The following CPHXL2 variants were observed in gnomAD, a reference collection of about 807,000 sequenced individuals.
The protein encoded by CPHXL2 is cytoplasmic polyadenylated homeobox like 2, also known as cytoplasmic polyadenylated homeobox-like protein 2.
At chr16:75,669,186 T>G in the CPHXL2 span, among the ~76,000 whole-genome samples, 1 of 151,910 alleles carries the variant, frequency 6.6e-6, no homozygotes, top group East Asian at 1.9e-4. Flanking sequence ...TGGTGGGAGC[T>G]TGTAGTCCTT....
At chr16:75,676,358 C>T in the CPHXL2 span, among the ~76,000 whole-genome samples, 1 of 152,170 alleles carries the variant, frequency 6.6e-6, no homozygotes, top group African/African-American at 2.4e-5. Flanking sequence ...AGGCCTCACT[C>T]TGTCACCCAG....
chr16:75,668,185 T>C, the CPHXL2 span, among the ~76,000 whole-genome samples: 1 of 151,880 alleles, frequency 6.6e-6, no homozygotes, highest in East Asian at 1.9e-4. Flanking sequence ...TGAAATGCTA[T>C]ATACTGCTTA....
At chr16:75,663,885 CAAAAAAAA>C in the CPHXL2 span, among the ~76,000 whole-genome samples, 2 of 85,484 alleles carry the variant, frequency 2.3e-5, no homozygotes, top group African/African-American at 4.7e-5. Flanking sequence ...GACTCTGTCT[CAAAAAAAA>C]AAAAAAAAAA....
chr16:75,674,738 C>G, the CPHXL2 span, among the ~76,000 whole-genome samples: 3 of 152,038 alleles, frequency 2.0e-5, no homozygotes, highest in East Asian at 5.9e-4. Context: ...GAGACAGAGT[C>G]TCGCTCTGTC....
the CPHXL2 span, among the ~76,000 whole-genome samples, chr16:75,673,384 G>T: frequency 6.6e-6 from 1 of 151,962 alleles, no homozygotes; most frequent in Non-Finnish European, 1.5e-5. Context: ...GCAGTGAATG[G>T]TGATACTGCC....
At chr16:75,669,516 T>C in the CPHXL2 span, 1 of 399,284 alleles carries the variant, frequency 2.5e-6, no homozygotes, top group African/African-American at 2.1e-5. Flanking sequence ...TTTTCTTTGT[T>C]TGTCTTTCTT....
the CPHXL2 span, among the ~76,000 whole-genome samples, chr16:75,663,743 G>A: frequency 6.6e-6 from 1 of 151,870 alleles, no homozygotes; most frequent in Non-Finnish European, 1.5e-5. Context: ...AAAATTAGCC[G>A]GGCATGGTGG....
the CPHXL2 span, among the ~76,000 whole-genome samples, chr16:75,675,828 C>T: frequency 4.6e-5 from 7 of 152,156 alleles, no homozygotes; most frequent in African/African-American, 1.7e-4. Flanking sequence ...CCTGTAATCC[C>T]AGCACTTTGG....
chr16:75,666,105 G>A, the CPHXL2 span, among the ~76,000 whole-genome samples: 1 of 152,064 alleles, frequency 6.6e-6, no homozygotes. Flanking sequence ...CATGGCAATG[G>A]ATACCAAAAG....
At chr16:75,663,079 C>T in the CPHXL2 span, among the ~76,000 whole-genome samples, 2 of 152,202 alleles carry the variant, frequency 1.3e-5, no homozygotes, top group African/African-American at 2.4e-5. Flanking sequence ...GGATTACAGG[C>T]GTGAGCCACT....
the CPHXL2 span, among the ~76,000 whole-genome samples, chr16:75,672,723 C>A: frequency 6.6e-6 from 1 of 152,094 alleles, no homozygotes; most frequent in Non-Finnish European, 1.5e-5. Flanking sequence ...CTTGTAGGAT[C>A]AAGCAATCCT....
At chr16:75,664,876 C>G in the CPHXL2 span, among the ~76,000 whole-genome samples, 1 of 152,100 alleles carries the variant, frequency 6.6e-6, no homozygotes, top group Non-Finnish European at 1.5e-5. Flanking sequence ...ATACCCTGTA[C>G]CACCTTGGTC....
the CPHXL2 span, chr16:75,660,726 C>T: frequency 1.3e-5 from 5 of 398,508 alleles, no homozygotes; most frequent in Non-Finnish European, 2.2e-5. Flanking sequence ...CTGGCTTTCC[C>T]TGGTTTCAGT....
At chr16:75,663,080 G>A in the CPHXL2 span, among the ~76,000 whole-genome samples, 2 of 152,218 alleles carry the variant, frequency 1.3e-5, no homozygotes, top group East Asian at 1.9e-4. Flanking sequence ...GATTACAGGC[G>A]TGAGCCACTC....
At chr16:75,673,492 T>C in the CPHXL2 span, among the ~76,000 whole-genome samples, 1 of 152,030 alleles carries the variant, frequency 6.6e-6, no homozygotes, top group South Asian at 2.1e-4. Context: ...CTTGGAGATA[T>C]CAGTTTAATT....
the CPHXL2 span, among the ~76,000 whole-genome samples, chr16:75,668,410 G>C: frequency 6.6e-6 from 1 of 151,952 alleles, no homozygotes; most frequent in Non-Finnish European, 1.5e-5. Flanking sequence ...TGTATTTTTA[G>C]TAGAGAAGGG....
the CPHXL2 span, chr16:75,660,469 T>A: frequency 2.5e-6 from 1 of 398,484 alleles, no homozygotes; most frequent in Admixed American, 4.4e-5. Context: ...GGCAGTTGAC[T>A]CTGCAGCTGT....
chr16:75,665,465 G>C, the CPHXL2 span, among the ~76,000 whole-genome samples: 1 of 152,184 alleles, frequency 6.6e-6, no homozygotes, highest in Non-Finnish European at 1.5e-5. Context: ...GCCACACTAC[G>C]AGAACTGCTA....
At chr16:75,660,500 C>A in the CPHXL2 span, 2 of 398,684 alleles carry the variant, frequency 5.0e-6, no homozygotes, top group African/African-American at 2.1e-5. Flanking sequence ...AGGGCCACTG[C>A]TTCTCTAGAT....
Sources: allele counts gnomAD v4.1 joint callset (sites outside exome capture counted in the v4.1 genomes callset), GRCh38; gene constraint gnomAD v4.1.1; transcripts MANE v1.5; gene names NCBI Gene and HGNC (gene_info 2026-07-23, HGNC 2026-07-21).